DNAH6: variants seen among roughly 807,000 people sequenced by gnomAD.
DNAH6 encodes axonemal beta dynein heavy chain 6.
Under a neutral mutation model 491.4 loss-of-function variants are expected in DNAH6, and 340 were observed. The ratio of observed to expected loss-of-function variants is 0.69; its 90% CI spans 0.63 to 0.76. The LOEUF (loss-of-function observed/expected upper bound fraction) is 0.76, where lower values mean the gene tolerates loss of function less well. Among genes scored for constraint, DNAH6 ranks in the 30% least tolerant of loss-of-function variants. The pLI is 0.00. For synonymous variants in DNAH6, 1,603 were observed against 1,686.1 expected (o/e 0.95, Z 1.21); for missense variants, 4,443 against 4,972.2 (o/e 0.89, Z 3.20).
intron 68 of DNAH6, among the ~76,000 whole-genome samples, chr2:84,791,646 T>TTA (rs970799989): frequency 1.3e-4 from 19 of 149,734 alleles, no homozygotes; most frequent in African/African-American, 1.9e-4. Flanking sequence ...ATTAATGAAT[T>TTA]TATATATATA....
intron 17 of DNAH6, 78 bp from the exon 18 acceptor site, chr2:84,595,568 A>G: frequency 7.6e-7 from 1 of 1,322,174 alleles, no homozygotes; most frequent in Non-Finnish European, 1.0e-6. Context: ...TTAACTTTTA[A>G]AAGTTTTTTT....
chr2:84,485,500 A>G, the DNAH6 span, among the ~76,000 whole-genome samples: 1 of 152,112 alleles, frequency 6.6e-6, no homozygotes, highest in Non-Finnish European at 1.5e-5. Context: ...TGGACTCTAG[A>G]TGTTTTCATC....
chr2:84,780,928 C>T (rs1035762713), intron 64 of DNAH6, among the ~76,000 whole-genome samples: 1 of 152,110 alleles, frequency 6.6e-6, no homozygotes, highest in African/African-American at 2.4e-5. Context: ...TTGGCTTTCA[C>T]AGATGTTGTG....
At chr2:84,657,046 T>C (rs1691045073) in intron 35 of DNAH6, among the ~76,000 whole-genome samples, 1 of 152,082 alleles carries the variant, frequency 6.6e-6, no homozygotes, top group Non-Finnish European at 1.5e-5. Context: ...TTTTTTTGCA[T>C]GTGTATATCC....
the DNAH6 span, among the ~76,000 whole-genome samples, chr2:84,470,870 G>A: frequency 6.6e-6 from 1 of 152,132 alleles, no homozygotes; most frequent in African/African-American, 2.4e-5. Context: ...GGGGGCCATC[G>A]CAATTGTGGA....
chr2:84,667,299 G>A (rs1042129040), intron 37 of DNAH6, among the ~76,000 whole-genome samples: 1 of 152,130 alleles, frequency 6.6e-6, no homozygotes, highest in African/African-American at 2.4e-5. Context: ...ACTACCATCA[G>A]TGTGAACAGG....
intron 53 of DNAH6, 88 bp downstream of exon 53, chr2:84,707,107 T>C (rs934493383): frequency 1.4e-6 from 2 of 1,381,128 alleles, no homozygotes; most frequent in African/African-American, 3.0e-5. Context: ...TTTCAGCTTT[T>C]ATCCAATGTG....
intron 42 of DNAH6, among the ~76,000 whole-genome samples, chr2:84,684,784 A>G (rs190189332): frequency 3.9e-5 from 6 of 152,318 alleles, no homozygotes; most frequent in Non-Finnish European, 7.4e-5. Flanking sequence ...CTTTGATTGT[A>G]ACTTGAAATC....
chr2:84,477,451 T>C, the DNAH6 span, among the ~76,000 whole-genome samples: 1 of 152,190 alleles, frequency 6.6e-6, no homozygotes, highest in African/African-American at 2.4e-5. Flanking sequence ...GGCGTTTCTC[T>C]GGTTCACATG....
At chr2:84,611,578 A>C in intron 21 of DNAH6, 96 bp from the exon 22 acceptor site, 2 of 1,094,712 alleles carry the variant, frequency 1.8e-6, no homozygotes, top group Non-Finnish European at 2.6e-6. Flanking sequence ...CCTCAAGGAA[A>C]AAGATACAGT....
At chr2:84,665,531 C>G (rs1040222533) in intron 37 of DNAH6, among the ~76,000 whole-genome samples, 1 of 151,928 alleles carries the variant, frequency 6.6e-6, no homozygotes, top group Non-Finnish European at 1.5e-5. Context: ...ACACATACAC[C>G]CTCCCAAGAC....
At chr2:84,557,196 C>A (rs565024388) in intron 10 of DNAH6, among the ~76,000 whole-genome samples, 1 of 152,174 alleles carries the variant, frequency 6.6e-6, no homozygotes, top group East Asian at 1.9e-4. Context: ...TAGAACTCAT[C>A]ACCATGTGTT....
At chr2:84,461,308 G>T in the DNAH6 span, among the ~76,000 whole-genome samples, 1 of 152,162 alleles carries the variant, frequency 6.6e-6, no homozygotes, top group Non-Finnish European at 1.5e-5. Context: ...CCTTCTCCCT[G>T]TAATCGGTTG....
At chr2:84,575,132 G>T (rs1317487800) in intron 12 of DNAH6, among the ~76,000 whole-genome samples, 1 of 152,140 alleles carries the variant, frequency 6.6e-6, no homozygotes, top group Non-Finnish European at 1.5e-5. Flanking sequence ...CCAGTTGTTT[G>T]CCAGAGGGTT....
rs1157548432 is a variant in DNAH6, at chr2:84,722,659, A to G, written c.9827A>G (p.Glu3276Gly). ...TSGAIKTRLE[E>G]AESTEQMINV... ...GGTGCCATTAAAACCAGGCTGGAAG[A>G]AGCAGAGTCCACTGAGCAGATGATC... The change falls in exon 60 of 77, where the codon GAA (glutamate) becomes GGA (glycine). Residue 3276 changes from glutamate to glycine, a missense_variant. Physicochemically the swap from Glu to Gly is moderately conservative, Grantham distance 98. Transcript: ENST00000389394. 3 of 1,550,324 alleles carry G rather than the reference A, an allele frequency of 1.9e-6. No individual in the cohort carries two copies.
intron 4 of DNAH6, among the ~76,000 whole-genome samples, chr2:84,532,456 G>C (rs1677264086): frequency 1.3e-5 from 2 of 152,132 alleles, no homozygotes. Context: ...TAAACTGGAA[G>C]TTAAACATAG....
At chr2:84,795,372 A>G (rs1219065159) in intron 68 of DNAH6, among the ~76,000 whole-genome samples, 1 of 152,200 alleles carries the variant, frequency 6.6e-6, no homozygotes, top group East Asian at 1.9e-4. Flanking sequence ...GCATAAATTT[A>G]TTAGTTTGTG....
chr2:84,699,643 T>C lies in DNAH6; in HGVS notation c.7727T>C (p.Leu2576Pro), dbSNP rs1287491183. Reference protein sequence around the residue: ...SKVRQKLHIVLCMSPVGEAFR... With the variant: ...SKVRQKLHIVPCMSPVGEAFR... ...GTGCGTCAGAAGCTGCACATTGTTC[T>C]CTGCATGAGCCCAGTTGGGGAGGCC... The change falls in exon 48 of 77, where the codon CTC becomes CCC. Residue 2576 changes from leucine (L) to proline (P), a missense_variant. Physicochemically the swap from Leu to Pro is moderately conservative, Grantham distance 98 (BLOSUM62 -3). Coordinates refer to ENST00000389394, the MANE Select transcript of DNAH6 (RefSeq NM_001370.2). 1 of 1,551,896 alleles carries C rather than the reference T, an allele frequency of 6.4e-7. No homozygotes were observed. Among genetic ancestry groups the C allele is most frequent in the Non-Finnish European group, 8.7e-7 (1 of 1,147,000 alleles).
chr2:84,626,113 A>G lies in DNAH6; in HGVS notation c.4515+1050A>G, dbSNP rs1307233897. Among the ~76,000 whole-genome samples, 4 of 143,880 alleles carry G rather than the reference A, an allele frequency of 2.8e-5. No individual in the cohort carries two copies. The East Asian group carries it at 5.9e-4, about 21-fold the overall frequency. The allele number at this position is 143,880 out of a possible 152,430, so 94.4% of individuals were successfully genotyped here. ...AACACTTTGGCCTCACAGATCCCCT[A>G]AAAAAAAAACTCATGGATTTGCAGG... On this transcript the variant is annotated intron_variant, in intron 29 of 76. Coordinates refer to ENST00000389394, the MANE Select transcript of DNAH6 (RefSeq NM_001370.2).
Sources: gnomAD v4.1 joint callset for allele counts (sites outside exome capture counted in the v4.1 genomes callset) on GRCh38, gnomAD v4.1.1 for gene constraint, MANE v1.5 for transcripts, NCBI Gene and HGNC (gene_info 2026-07-23, HGNC 2026-07-21) for gene names.